The following ZBTB20 variants were observed in gnomAD, a reference collection of about 807,000 sequenced individuals.
ZBTB20 encodes the protein zinc finger and BTB domain-containing protein 20.
Under a neutral mutation model 56.9 loss-of-function variants are expected in ZBTB20, and 9 were observed. That is an observed-to-expected ratio of 0.16 (90% CI 0.10 to 0.28). The LOEUF (loss-of-function observed/expected upper bound fraction) is 0.28. ZBTB20 is among the 10% of genes least tolerant of loss of function. The probability of loss-of-function intolerance (pLI) is 1.00; values close to 1 mark genes in which losing one functional copy is unlikely to be tolerated. For synonymous variants in ZBTB20, 417 were observed against 420.7 expected (o/e 0.99, Z 0.11); for missense variants, 655 against 1,003.0 (o/e 0.65, Z 4.69).
intron 10 of ZBTB20, among the ~76,000 whole-genome samples, chr3:114,362,499 C>A (rs968463228): frequency 6.6e-6 from 1 of 152,236 alleles, no homozygotes; most frequent in South Asian, 2.1e-4. Context: ...ATGGTCCTGA[C>A]AGGGCTTTTT....
chr3:115,087,427 T>A (rs2083027953), intron 1 of ZBTB20, among the ~76,000 whole-genome samples: 1 of 151,920 alleles, frequency 6.6e-6, no homozygotes. Flanking sequence ...GCTCAGCTAA[T>A]TCTAATGGTT....
intron 5 of ZBTB20, among the ~76,000 whole-genome samples, chr3:114,766,548 T>G (rs1417521102): frequency 3.3e-5 from 5 of 149,626 alleles, no homozygotes; most frequent in Non-Finnish European, 7.5e-5. Context: ...AAGCTGTTAC[T>G]GCAGGTAGGT....
At chr3:114,453,923 C>G (rs1386312499) in intron 7 of ZBTB20, among the ~76,000 whole-genome samples, 4 of 69,670 alleles carry the variant, frequency 5.7e-5, no homozygotes, top group Non-Finnish European at 1.0e-4. Context: ...AAGCTCACTC[C>G]CCCCCCCCCC....
At chr3:114,571,357 C>G (rs1381272583) in intron 6 of ZBTB20, among the ~76,000 whole-genome samples, 1 of 152,132 alleles carries the variant, frequency 6.6e-6, no homozygotes, top group Admixed American at 6.5e-5. Context: ...AACTATTGTT[C>G]TAAAATTCAA....
At chr3:114,557,389 A>G (rs909053132) in intron 6 of ZBTB20, among the ~76,000 whole-genome samples, 11 of 152,002 alleles carry the variant, frequency 7.2e-5, no homozygotes, top group African/African-American at 2.7e-4. Flanking sequence ...AAATACAACC[A>G]ACAATAACCA....
Position 114,709,667 on chromosome 3 carries a change from C to T in ZBTB20, c.-342-16092G>A, listed in dbSNP as rs142268393. 4.2e-3 allele frequency among the ~76,000 whole-genome samples: 635 copies of T among 152,284 alleles called. 3 individuals carry two copies. The highest frequency in any genetic ancestry group is 7.5e-3 in the Non-Finnish European group (509 of 68,012). On this transcript the variant is annotated intron_variant, in intron 5 of 11. Coordinates refer to ENST00000675478, the MANE Select transcript of ZBTB20 (RefSeq NM_001348800.3). ...GCCTTTCCATAACCTATAATCAGGA[C>T]TTCCAGAAGTAATATCCAGGCATCT...
At chr3:114,521,747 T>C (rs1163532505) in intron 6 of ZBTB20, among the ~76,000 whole-genome samples, 1 of 152,192 alleles carries the variant, frequency 6.6e-6, no homozygotes. Context: ...CTGCTTTGGG[T>C]GCTGAACAGA....
chr3:115,004,911 C>T (rs918140607), intron 2 of ZBTB20, among the ~76,000 whole-genome samples: 3 of 151,694 alleles, frequency 2.0e-5, no homozygotes, highest in Admixed American at 2.0e-4. Context: ...CATTTATATA[C>T]AGTTCATGCA....
At chr3:115,098,495 A>G (rs551149594) in intron 1 of ZBTB20, among the ~76,000 whole-genome samples, 74 of 152,276 alleles carry the variant, frequency 4.9e-4, no homozygotes, top group Non-Finnish European at 8.2e-4. Flanking sequence ...ACTCTCCTAA[A>G]GTTCCCCTTA....
intron 5 of ZBTB20, among the ~76,000 whole-genome samples, chr3:114,746,643 A>G (rs1348147369): frequency 6.6e-6 from 1 of 152,094 alleles, no homozygotes; most frequent in Non-Finnish European, 1.5e-5. Context: ...CACTGTTCAA[A>G]CCATTTTTCA....
intron 4 of ZBTB20, among the ~76,000 whole-genome samples, chr3:114,844,860 C>CTT (rs11396350): frequency 0.016 from 2,096 of 130,326 alleles, 40 homozygotes; most frequent in African/African-American, 0.048. Context: ...TTTTCTTTTT[C>CTT]TTTTTTTTTT....
chr3:114,663,296 T>A (rs1035601109), intron 6 of ZBTB20, among the ~76,000 whole-genome samples: 91 of 151,230 alleles, frequency 6.0e-4, no homozygotes, highest in African/African-American at 2.1e-3. Flanking sequence ...CTATGCTTCA[T>A]AAGTGAAGGA....
chr3:115,121,125 C>A (rs534246529), intron 1 of ZBTB20, among the ~76,000 whole-genome samples: 2 of 152,140 alleles, frequency 1.3e-5, no homozygotes, highest in Non-Finnish European at 2.9e-5. Flanking sequence ...CGTTGAGCTA[C>A]GGTCAGTTTT....
At chr3:114,474,888 A>G (rs2040568615) in intron 7 of ZBTB20, among the ~76,000 whole-genome samples, 1 of 151,966 alleles carries the variant, frequency 6.6e-6, no homozygotes, top group African/African-American at 2.4e-5. Context: ...CTCCTGCCTG[A>G]TCTTGTGTCC....
chr3:114,382,389 T>C (rs781230780), intron 8 of ZBTB20, among the ~76,000 whole-genome samples: 2 of 152,220 alleles, frequency 1.3e-5, no homozygotes, highest in Non-Finnish European at 2.9e-5. Context: ...CTAACTTTTC[T>C]CATGTGTCCT....
chr3:114,582,547 T>G (rs941164586), intron 6 of ZBTB20, among the ~76,000 whole-genome samples: 1 of 152,076 alleles, frequency 6.6e-6, no homozygotes, highest in Non-Finnish European at 1.5e-5. Flanking sequence ...GCCTGGCTAA[T>G]TTTTGTATTT....
chr3:114,512,675 T>C (rs2045548462), intron 6 of ZBTB20, among the ~76,000 whole-genome samples: 2 of 152,178 alleles, frequency 1.3e-5, no homozygotes, highest in Non-Finnish European at 2.9e-5. Flanking sequence ...TAACTTTTCT[T>C]TCTCAAACAG....
intron 7 of ZBTB20, among the ~76,000 whole-genome samples, chr3:114,466,261 T>A (rs550807525): frequency 6.6e-6 from 1 of 152,330 alleles, no homozygotes; most frequent in Admixed American, 6.5e-5. Context: ...CTAATATTAT[T>A]GTAAGCACTT....
chr3:114,556,173 AT>A (rs1283250311), intron 6 of ZBTB20, among the ~76,000 whole-genome samples: 3 of 152,036 alleles, frequency 2.0e-5, no homozygotes, highest in Non-Finnish European at 1.5e-5. Flanking sequence ...GGATCTGTTC[AT>A]ATATTGTTTC....
Sources: allele counts gnomAD v4.1 joint callset (sites outside exome capture counted in the v4.1 genomes callset), GRCh38; gene constraint gnomAD v4.1.1; transcripts MANE v1.5; gene names NCBI Gene and HGNC (gene_info 2026-07-23, HGNC 2026-07-21).